NRG1: variants seen among roughly 807,000 people sequenced by gnomAD.
NRG1 encodes pro-neuregulin-1, membrane-bound isoform.
NRG1 carries 18 observed loss-of-function variants against 63.8 expected under a neutral mutation model. That is an observed-to-expected ratio of 0.28 (90% CI 0.19 to 0.42). The LOEUF (loss-of-function observed/expected upper bound fraction) is 0.42, where lower values mean the gene tolerates loss of function less well. Among genes scored for constraint, NRG1 ranks in the 10% least tolerant of loss-of-function variants. The pLI, the probability that NRG1 is intolerant of heterozygous loss-of-function variation, is 1.00. For synonymous variants in NRG1, 302 were observed against 301.3 expected, an observed-to-expected ratio of 1.00 and a Z score of -0.02; for missense variants, 762 against 814.7, an observed-to-expected ratio of 0.94 and a Z score of 0.79.
exon 1 of NRG1, chr8:31,639,405 G>A (rs1393993071): frequency 1.3e-6 from 2 of 1,534,896 alleles, no homozygotes; most frequent in African/African-American, 1.4e-5. Context: ...ATGGGGAAAG[G>A]ACGCGCGGGC....
At chr8:31,782,714 C>T (rs1819805719) in intron 1 of NRG1, among the ~76,000 whole-genome samples, 1 of 152,066 alleles carries the variant, frequency 6.6e-6, no homozygotes, top group Admixed American at 6.6e-5. Flanking sequence ...ATCCATGAAC[C>T]CAACGCTGTG....
At chr8:32,485,512 C>T (rs774981892) in intron 1 of NRG1, among the ~76,000 whole-genome samples, 13 of 152,192 alleles carry the variant, frequency 8.5e-5, no homozygotes, top group South Asian at 2.1e-4. Context: ...CTCCACCCCA[C>T]GAACTCCTCA....
intron 1 of NRG1, among the ~76,000 whole-genome samples, chr8:31,865,789 A>G (rs1009842247): frequency 3.3e-5 from 5 of 152,220 alleles, no homozygotes; most frequent in African/African-American, 1.2e-4. Context: ...TCTTCATAGT[A>G]GCATGAGAGC....
chr8:32,743,269 C>T, intron 7 of NRG1: 1 of 967,452 alleles, frequency 1.0e-6, no homozygotes, highest in Non-Finnish European at 1.2e-6. Context: ...TGCATTGAGG[C>T]ATTTTTTTAA....
At chr8:32,298,662 C>A (rs1563285907) in intron 1 of NRG1, among the ~76,000 whole-genome samples, 1 of 146,074 alleles carries the variant, frequency 6.8e-6, no homozygotes, top group Non-Finnish European at 1.5e-5. Flanking sequence ...TGCAGTGAGC[C>A]GAGACTGCAC....
intron 1 of NRG1, among the ~76,000 whole-genome samples, chr8:32,336,610 T>TTTTG (rs1314370090): frequency 6.6e-6 from 1 of 152,084 alleles, no homozygotes; most frequent in Non-Finnish European, 1.5e-5. Context: ...GTGGACATTT[T>TTTTG]TTTGTTTGTT....
chr8:31,762,547 A>G (rs550333278), intron 1 of NRG1, among the ~76,000 whole-genome samples: 3 of 152,160 alleles, frequency 2.0e-5, no homozygotes, highest in African/African-American at 7.2e-5. Flanking sequence ...TTATATGCCT[A>G]TGTATATATA....
chr8:32,371,023 C>T (rs1378824873), intron 1 of NRG1, among the ~76,000 whole-genome samples: 1 of 151,896 alleles, frequency 6.6e-6, no homozygotes. Context: ...GCCAGCCTGG[C>T]CAACATGGTG....
At chr8:32,468,061 G>A (rs1222748091) in intron 1 of NRG1, among the ~76,000 whole-genome samples, 1 of 152,164 alleles carries the variant, frequency 6.6e-6, no homozygotes, top group Non-Finnish European at 1.5e-5. Flanking sequence ...TAATGCTCCA[G>A]GGATTGCAGT....
At chr8:32,525,391 GGT>G (rs200594879) in intron 1 of NRG1, among the ~76,000 whole-genome samples, 14,328 of 145,690 alleles carry the variant, frequency 0.098, 778 homozygotes, top group Admixed American at 0.16. Context: ...ATGAGGTAGG[GGT>G]GTGTGTGTGT....
rs539894215 is a variant in NRG1 at position 32,262,269 on chromosome 8, C to A, written c.38-333559C>A. ...TCTTTGTTCCAGCTCCTTGTACAGA[C>A]AGGACTGCTTGCTACTAAGAATTTC... is the stretch of plus-strand genomic sequence containing the variant. On this transcript the variant is annotated intron_variant, in intron 1 of 10. Coordinates refer to the NRG1 transcript ENST00000519301. Among the ~76,000 whole-genome samples the A allele has an allele frequency of 7.2e-5, 11 of 152,252 alleles. No individual in the cohort carries two copies. The East Asian group carries it at 1.9e-3, about 27-fold the overall frequency.
chr8:32,634,740 A>G lies in NRG1; in HGVS notation c.502+17855A>G, dbSNP rs565831995. 3.9e-5 allele frequency among the ~76,000 whole-genome samples: 6 copies of G among 152,332 alleles called. No individual in the cohort carries two copies. The South Asian group carries it at 1.2e-3, about 32-fold the overall frequency. On this transcript the variant is annotated intron_variant, in intron 5 of 11. Transcript: ENST00000356819. Reference sequence around the variant, plus strand: ...AATTTTATTGTAGAGCCCAACAACAAAAACAATGATCTCTTATGTAATTGA... The same window carrying G: ...AATTTTATTGTAGAGCCCAACAACAGAAACAATGATCTCTTATGTAATTGA...
intron 1 of NRG1, among the ~76,000 whole-genome samples, chr8:31,678,409 G>A (rs1298189012): frequency 6.6e-6 from 1 of 152,062 alleles, no homozygotes; most frequent in East Asian, 1.9e-4. Flanking sequence ...AACAATCTGT[G>A]AACTAGTGTT....
At chr8:32,407,890 G>A (rs1466642100) in intron 1 of NRG1, among the ~76,000 whole-genome samples, 2 of 152,206 alleles carry the variant, frequency 1.3e-5, no homozygotes, top group Non-Finnish European at 2.9e-5. Context: ...TAGGAGAGGT[G>A]TAACTGATTA....
chr8:31,835,608 G>C (rs1825618351), intron 1 of NRG1, among the ~76,000 whole-genome samples: 2 of 152,142 alleles, frequency 1.3e-5, no homozygotes, highest in Admixed American at 1.3e-4. Flanking sequence ...GGCCTAGTTT[G>C]TGGCCTTCCT....
intron 1 of NRG1, among the ~76,000 whole-genome samples, chr8:32,297,356 TTTTA>T (rs1218333005): frequency 6.6e-6 from 1 of 152,140 alleles, no homozygotes; most frequent in Non-Finnish European, 1.5e-5. Flanking sequence ...ATTTACTTCA[TTTTA>T]GACTCATTTA....
At chr8:32,716,445 G>A (rs1819239565) in intron 5 of NRG1, among the ~76,000 whole-genome samples, 1 of 152,148 alleles carries the variant, frequency 6.6e-6, no homozygotes, top group Admixed American at 6.5e-5. Flanking sequence ...CATGCTTGCA[G>A]CGTCTACAAA....
chr8:32,217,571 C>T (rs964518541), intron 1 of NRG1, among the ~76,000 whole-genome samples: 1 of 152,076 alleles, frequency 6.6e-6, no homozygotes, highest in Admixed American at 6.5e-5. Context: ...AGTTAAAATA[C>T]TCTACATTTT....
chr8:32,509,077 A>T (rs1488724480), intron 1 of NRG1, among the ~76,000 whole-genome samples: 2 of 28,146 alleles, frequency 7.1e-5, no homozygotes, highest in African/African-American at 1.7e-4. Context: ...TTCTTTTCCT[A>T]TTTTATTTTA....
Sources: gnomAD v4.1 joint callset for allele counts (sites outside exome capture counted in the v4.1 genomes callset) on GRCh38, gnomAD v4.1.1 for gene constraint, MANE v1.5 for transcripts, NCBI Gene and HGNC (gene_info 2026-07-23, HGNC 2026-07-21) for gene names.